KDM4D: variants seen among roughly 807,000 people sequenced by gnomAD.
The protein encoded by KDM4D is lysine-specific demethylase 4D.
For synonymous variants in KDM4D, 254 were observed against 249.1 expected (o/e 1.02, Z -0.19); for missense variants, 427 against 674.8 (o/e 0.63, Z 4.07).
intron 1 of KDM4D, among the ~76,000 whole-genome samples, chr11:94,974,752 T>G (rs928324385): frequency 6.6e-6 from 1 of 152,186 alleles, no homozygotes; most frequent in Non-Finnish European, 1.5e-5. Context: ...GTCTTAACAA[T>G]TCTACTTTTA....
Position 94,999,340 on chromosome 11 carries a change from T to C in KDM4D, c.*396T>C, listed in dbSNP as rs1298439268. 1 of 172,322 alleles carries C rather than the reference T, an allele frequency of 5.8e-6. No individual in the cohort carries two copies. The highest frequency in any genetic ancestry group is 1.4e-5 in the Non-Finnish European group (1 of 71,950). 10.7% of individuals were successfully genotyped at this position (172,322 alleles called of 1,614,324 possible). A position where few individuals can be genotyped will look rare whatever the true frequency, so the allele number is the denominator to read the frequency against. ...CTTTGATTCCTCTTCAGTCTACGCA[T>C]TTCTCTCTTCCCCTCCCTCACCCCC... On this transcript the variant is annotated 3_prime_UTR_variant, in exon 3 of 3. Transcript: ENST00000335080.
At chr11:94,988,796 C>T (rs191169183) in intron 2 of KDM4D, among the ~76,000 whole-genome samples, 231 of 152,286 alleles carry the variant, frequency 1.5e-3, no homozygotes, top group African/African-American at 5.4e-3. Flanking sequence ...AAGGATGCTT[C>T]TGGTAGATAT....
intron 1 of KDM4D, among the ~76,000 whole-genome samples, 154 bp from the exon 2 acceptor site, chr11:94,975,500 C>T (rs1406885071): frequency 6.6e-6 from 1 of 152,088 alleles, no homozygotes; most frequent in Non-Finnish European, 1.5e-5. Context: ...TAATTCTAGT[C>T]CCTAACTTGT....
chr11:94,982,534 C>T (rs1291818954), intron 2 of KDM4D, among the ~76,000 whole-genome samples: 2 of 108,184 alleles, frequency 1.8e-5, no homozygotes, highest in African/African-American at 6.0e-5. Flanking sequence ...CTTAAGACTT[C>T]CCTATTTCTA....
At position 94,998,465 on chromosome 11, in the gene KDM4D, C is replaced by A; in HGVS notation, c.1093C>A (p.Gln365Lys). The A allele has an allele frequency of 6.2e-7, 1 of 1,613,050 alleles. No homozygotes were observed. The highest frequency in any genetic ancestry group is 8.5e-7 in the Non-Finnish European group (1 of 1,180,012). Residue 365 changes from glutamine (Q) to lysine (K), a missense_variant, in exon 3 of 3, where the codon CAG becomes AAG. Gln to Lys is a moderately conservative substitution (Grantham distance 53, BLOSUM62 1). Coordinates refer to ENST00000335080, the MANE Select transcript of KDM4D (RefSeq NM_018039.3). The surrounding 1 kb of genome is among the most constrained non-coding windows in gnomAD (Gnocchi z 6.7). ...SQELSTQKEVQLPRRAALGLR... is the reference protein window; with the variant it reads ...SQELSTQKEVKLPRRAALGLR... ...AGAGCTGAGCACCCAGAAGGAAGTC[C>A]AGTTACCCAGGAGAGCAGCGCTGGG...
chr11:94,991,890 C>T (rs933828046), intron 2 of KDM4D, among the ~76,000 whole-genome samples: 1 of 151,090 alleles, frequency 6.6e-6, no homozygotes, highest in Non-Finnish European at 1.5e-5. Context: ...CTTCTATAAA[C>T]GTTGATAGAG....
At chr11:94,980,893 GTTTTCCTTCTT>G (rs1376641998) in intron 2 of KDM4D, among the ~76,000 whole-genome samples, 1 of 151,966 alleles carries the variant, frequency 6.6e-6, no homozygotes, top group Non-Finnish European at 1.5e-5. Flanking sequence ...TTCCTTTTCT[GTTTTCCTTCTT>G]TTTTCCTTGC....
At chr11:94,985,474 A>C (rs917803744) in intron 2 of KDM4D, among the ~76,000 whole-genome samples, 5 of 152,226 alleles carry the variant, frequency 3.3e-5, no homozygotes, top group Non-Finnish European at 7.3e-5. Flanking sequence ...AATGGATCAG[A>C]AAACTTAATA....
chr11:94,994,414 T>G (rs1245516197), intron 2 of KDM4D, among the ~76,000 whole-genome samples: 1 of 151,982 alleles, frequency 6.6e-6, no homozygotes, highest in Non-Finnish European at 1.5e-5. Flanking sequence ...ATAACATGTT[T>G]AAAGGGAAAC....
chr11:94,980,878 G>C (rs1857836939), intron 2 of KDM4D, among the ~76,000 whole-genome samples: 1 of 152,040 alleles, frequency 6.6e-6, no homozygotes, highest in Non-Finnish European at 1.5e-5. Flanking sequence ...TGACAGCTTT[G>C]TTTCTTCCTT....
intron 1 of KDM4D, 90 bp downstream of exon 1, chr11:94,974,158 T>C (rs948461952): frequency 1.3e-5 from 2 of 152,246 alleles, no homozygotes; most frequent in African/African-American, 2.4e-5. Flanking sequence ...ACGTTAGTTT[T>C]AGTGGGAGGG....
intron 2 of KDM4D, among the ~76,000 whole-genome samples, chr11:94,986,529 G>C (rs587669649): frequency 6.6e-6 from 1 of 152,102 alleles, no homozygotes; most frequent in African/African-American, 2.4e-5. Flanking sequence ...CTGGAAGGTC[G>C]AGGCTGCAGT....
chr11:94,979,850 G>GTTC (rs1857829863), intron 2 of KDM4D, among the ~76,000 whole-genome samples: 1 of 152,160 alleles, frequency 6.6e-6, no homozygotes, highest in Non-Finnish European at 1.5e-5. Flanking sequence ...GGAGATGAGA[G>GTTC]TTCTTGTTCT....
Position 94,997,286 on chromosome 11 carries a change from C to A in KDM4D, c.-87C>A, listed in dbSNP as rs1857982862. 1.9e-6 allele frequency: 2 copies of A among 1,041,810 alleles called. No homozygotes were observed. Among genetic ancestry groups the A allele is most frequent in the Admixed American group, 2.6e-5 (1 of 38,688 alleles). The allele number at this position is 1,041,810 out of a possible 1,614,324, so 64.5% of individuals were successfully genotyped here. A position where few individuals can be genotyped will look rare whatever the true frequency, so the allele number is the denominator to read the frequency against. On this transcript the variant is annotated 5_prime_UTR_variant, in exon 3 of 3. Coordinates refer to ENST00000335080, the MANE Select transcript of KDM4D (RefSeq NM_018039.3). ...GATCCTGCTACCTCATAGATAACAC[C>A]AGTCAAATTTTTTTTTAAAGTAGCA...
intron 2 of KDM4D, among the ~76,000 whole-genome samples, chr11:94,990,402 A>G (rs1857924991): frequency 6.6e-6 from 1 of 152,206 alleles, no homozygotes; most frequent in Admixed American, 6.5e-5. Flanking sequence ...AAGAGAAGGA[A>G]GAGATAAGTG....
At chr11:94,978,276 C>A (rs1211396413) in intron 2 of KDM4D, among the ~76,000 whole-genome samples, 4 of 151,906 alleles carry the variant, frequency 2.6e-5, no homozygotes, top group Non-Finnish European at 5.9e-5. Context: ...AAAAATGTTT[C>A]TTTGTGGCTT....
rs782468463 is a variant in KDM4D, at chr11:94,998,351, A to C, written c.979A>C (p.Ile327Leu). The C allele has an allele frequency of 6.2e-7, 1 of 1,614,152 alleles. No homozygotes were observed. Among genetic ancestry groups the C allele is most frequent in the Non-Finnish European group, 8.5e-7 (1 of 1,180,012 alleles). ...CTTTTCCATGGATGCCTTCGTGCGC[A>C]TCCTGCAACCTGAACGCTATGACCT... is the stretch of plus-strand genomic sequence containing the variant. ...VTFSMDAFVR[I>L]LQPERYDLWK... The change falls in exon 3 of 3, where the codon ATC (isoleucine) becomes CTC (leucine). Residue 327 changes from isoleucine (I) to leucine (L), a missense_variant. By Grantham distance (5) the Ile-to-Leu change is conservative. Transcript: ENST00000335080. This position sits in a 1 kb window ranked among gnomAD's most constrained non-coding sequence, Gnocchi z 6.7.
At position 94,998,490 on chromosome 11, in the gene KDM4D, G is replaced by A. The variant is rs1455750355; in HGVS notation, c.1118G>A (p.Gly373Asp). Reference sequence around the variant, plus strand: ...CAGTTACCCAGGAGAGCAGCGCTGGGCCTGAGACAACTCCCTTCCCACTGG... The same window carrying A: ...CAGTTACCCAGGAGAGCAGCGCTGGACCTGAGACAACTCCCTTCCCACTGG... ...EVQLPRRAAL[G>D]LRQLPSHWAR... The change falls in exon 3 of 3, where the codon GGC (glycine) becomes GAC (aspartate). Residue 373 changes from glycine to aspartate, a missense_variant. Gly to Asp is a moderately conservative substitution (Grantham distance 94). Transcript: ENST00000335080. The surrounding 1 kb of genome is among the most constrained non-coding windows in gnomAD (Gnocchi z 6.7). 1.5e-5 allele frequency: 24 copies of A among 1,612,060 alleles called. No individual in the cohort carries two copies. The highest frequency in any genetic ancestry group is 1.9e-5 in the Non-Finnish European group (23 of 1,180,012).
chr11:94,979,414 G>A (rs2134108934), intron 2 of KDM4D, among the ~76,000 whole-genome samples: 1 of 152,118 alleles, frequency 6.6e-6, no homozygotes, highest in East Asian at 1.9e-4. Flanking sequence ...ATTTTTAGTA[G>A]AGATGGAGTT....
Sources: gnomAD v4.1 joint callset for allele counts (sites outside exome capture counted in the v4.1 genomes callset) on GRCh38, gnomAD v4.1.1 for gene constraint, Gnocchi (gnomAD v3.1) non-coding constraint, MANE v1.5 for transcripts, NCBI Gene and HGNC (gene_info 2026-07-23, HGNC 2026-07-21) for gene names.